Variants in SORCS2 observed in about 807,000 individuals in gnomAD.
SORCS2 encodes sortilin related VPS10 domain containing receptor 2, also known as VPS10 domain-containing receptor SorCS2.
SORCS2 carries 100 observed loss-of-function variants against 141.6 expected under a neutral mutation model. The ratio of observed to expected loss-of-function variants is 0.71; its 90% confidence interval spans 0.60 to 0.83. The LOEUF is 0.83. Ranked by LOEUF, SORCS2 falls within the 40% of genes least tolerant of loss-of-function variation. The pLI, the probability that SORCS2 is intolerant of heterozygous loss-of-function variation, is 0.00. For synonymous variants in SORCS2, 789 were observed against 676.9 expected (o/e 1.17, Z -2.57); for missense variants, 1,646 against 1,560.2 (o/e 1.05, Z -0.93).
At chr4:7,463,703 C>T (rs79875422) in intron 2 of SORCS2, among the ~76,000 whole-genome samples, 5,267 of 152,234 alleles carry the variant, frequency 0.035, 278 homozygotes, top group African/African-American at 0.12. Context: ...GAAAGTTGGG[C>T]GGGCTTGGGG....
intron 26 of SORCS2, 60 bp downstream of exon 26, chr4:7,737,232 C>T: frequency 5.8e-6 from 9 of 1,539,794 alleles, no homozygotes; most frequent in Non-Finnish European, 7.9e-6. Flanking sequence ...CCGCCCCAAA[C>T]CCACCCCGCC....
chr4:7,299,436 C>G, intron 1 of SORCS2, among the ~76,000 whole-genome samples: 1 of 152,208 alleles, frequency 6.6e-6, no homozygotes, highest in South Asian at 2.1e-4. Flanking sequence ...CGCATGGCCT[C>G]GGATACATCT....
At chr4:7,701,695 T>C (rs1424015220) in intron 12 of SORCS2, among the ~76,000 whole-genome samples, 1 of 152,140 alleles carries the variant, frequency 6.6e-6, no homozygotes, top group Non-Finnish European at 1.5e-5. Flanking sequence ...CTGCTGGGGT[T>C]CATGTTCTTG....
chr4:7,678,375 G>A (rs1056491320), intron 9 of SORCS2, among the ~76,000 whole-genome samples: 1 of 138,394 alleles, frequency 7.2e-6, no homozygotes, highest in Non-Finnish European at 1.6e-5. Flanking sequence ...CCAAGGGATG[G>A]CCCTTCTCTG....
intron 17 of SORCS2, among the ~76,000 whole-genome samples, chr4:7,717,563 T>G (rs751440506): frequency 5.3e-5 from 8 of 151,902 alleles, no homozygotes; most frequent in Non-Finnish European, 1.0e-4. Context: ...GGAGGAGGGG[T>G]GTGTGTGCCC....
rs879629313 is a variant in SORCS2, at chr4:7,229,990, G to C, written c.480+36864G>C. On this transcript the variant is annotated intron_variant, in intron 1 of 26. Coordinates refer to ENST00000507866, the MANE Select transcript of SORCS2 (RefSeq NM_020777.3). ...AGGAGATGAAGATGGTCAAGTCTTCGAGTCTCTGGGCAGGAGCAGTGTCAT... is the reference window on the plus strand; with the variant it reads ...AGGAGATGAAGATGGTCAAGTCTTCCAGTCTCTGGGCAGGAGCAGTGTCAT... 1.2e-4 allele frequency among the ~76,000 whole-genome samples: 15 copies of C among 127,458 alleles called. 1 individual carries two copies. The highest frequency in any genetic ancestry group is 4.2e-4 in the African/African-American group (14 of 33,638). The allele number at this position is 127,458 out of a possible 152,430, so 83.6% of individuals were successfully genotyped here.
At chr4:7,265,647 T>C (rs926068177) in intron 1 of SORCS2, among the ~76,000 whole-genome samples, 112 of 152,328 alleles carry the variant, frequency 7.4e-4, no homozygotes, top group African/African-American at 2.5e-3. Flanking sequence ...CCTCCTCCCC[T>C]GTCTTCTTGT....
intron 3 of SORCS2, among the ~76,000 whole-genome samples, chr4:7,557,031 C>A (rs1466586588): frequency 3.3e-5 from 5 of 151,968 alleles, no homozygotes; most frequent in African/African-American, 1.2e-4. Context: ...ACTCATCCAT[C>A]CATCCCTTTA....
chr4:7,276,823 TCACGC>T (rs1448357124), intron 1 of SORCS2, among the ~76,000 whole-genome samples: 3 of 152,156 alleles, frequency 2.0e-5, no homozygotes, highest in Non-Finnish European at 2.9e-5. Context: ...CTTCCATTCA[TCACGC>T]GGCAGACCCT....
chr4:7,457,478 A>G (rs1728988756), intron 2 of SORCS2, among the ~76,000 whole-genome samples: 1 of 151,562 alleles, frequency 6.6e-6, no homozygotes, highest in Non-Finnish European at 1.5e-5. Flanking sequence ...CCCAGTGAAC[A>G]CTGCAAGCTG....
intron 2 of SORCS2, among the ~76,000 whole-genome samples, chr4:7,405,760 C>G (rs1023142764): frequency 6.6e-6 from 1 of 152,028 alleles, no homozygotes; most frequent in African/African-American, 2.4e-5. Context: ...GTTTTTCCAG[C>G]TATAAGATCA....
Position 7,670,610 on chromosome 4 carries a change from C to G in SORCS2, c.1161+3397C>G, listed in dbSNP as rs73076408. On this transcript the variant is annotated intron_variant, in intron 8 of 26. Transcript: ENST00000507866. Reference sequence around the variant, plus strand: ...CTAGAAGGCAACGACACGGGCAGAACCCATCCAGTGTAACTGCTTTGGAAT... The same window carrying G: ...CTAGAAGGCAACGACACGGGCAGAAGCCATCCAGTGTAACTGCTTTGGAAT... Among the ~76,000 whole-genome samples, 1,248 of 152,310 alleles carry G rather than the reference C, an allele frequency of 8.2e-3. 14 individuals are homozygous for G. Among genetic ancestry groups the G allele is most frequent in the African/African-American group, 0.029 (1,199 of 41,568 alleles).
intron 1 of SORCS2, among the ~76,000 whole-genome samples, chr4:7,340,249 C>A (rs113292840): frequency 6.9e-4 from 105 of 152,388 alleles, no homozygotes; most frequent in African/African-American, 2.2e-3. Flanking sequence ...CCTCACACTC[C>A]GCTGACCATG....
chr4:7,653,980 T>A (rs535839949), intron 4 of SORCS2, among the ~76,000 whole-genome samples, 154 bp from the exon 5 acceptor site: 1 of 152,338 alleles, frequency 6.6e-6, no homozygotes, highest in Non-Finnish European at 1.5e-5. Flanking sequence ...GGGTTTGGTC[T>A]GCATCCCAGC....
In SORCS2 at chr4:7,581,928, A is replaced by G. The variant is rs181561243; in HGVS notation, c.648+50299A>G. ...ATATATCTCCTTCTTGTCTTTTTCT[A>G]TATATCTTTATTTCATAGTCGAGAC... On this transcript the variant is annotated intron_variant, in intron 3 of 26. Coordinates refer to ENST00000507866, the MANE Select transcript of SORCS2 (RefSeq NM_020777.3). Among the ~76,000 whole-genome samples the G allele has an allele frequency of 1.7e-3, 261 of 152,292 alleles. 2 individuals are homozygous for G. The highest frequency in any genetic ancestry group is 5.9e-3 in the African/African-American group (246 of 41,562).
At chr4:7,639,603 G>A (rs1466859652) in intron 4 of SORCS2, among the ~76,000 whole-genome samples, 1 of 151,272 alleles carries the variant, frequency 6.6e-6, no homozygotes, top group African/African-American at 2.4e-5. Flanking sequence ...GTGGGTGTGA[G>A]TGTATATGTG....
intron 1 of SORCS2, among the ~76,000 whole-genome samples, chr4:7,385,788 G>A (rs970085938): frequency 1.3e-5 from 2 of 152,234 alleles, no homozygotes; most frequent in African/African-American, 4.8e-5. Context: ...TGAAGGGGCA[G>A]GGCACTGCCA....
chr4:7,534,863 G>A (rs1711980620), intron 3 of SORCS2, among the ~76,000 whole-genome samples: 1 of 152,250 alleles, frequency 6.6e-6, no homozygotes, highest in Admixed American at 6.5e-5. Flanking sequence ...CGGAGTGCAT[G>A]GTGATTTGTT....
intron 2 of SORCS2, among the ~76,000 whole-genome samples, chr4:7,427,278 T>C (rs904378327): frequency 6.6e-6 from 1 of 152,108 alleles, no homozygotes; most frequent in Non-Finnish European, 1.5e-5. Context: ...TCACTGAACA[T>C]GGCTGTTTTT....
Sources: allele counts gnomAD v4.1 joint callset (sites outside exome capture counted in the v4.1 genomes callset), GRCh38; gene constraint gnomAD v4.1.1; transcripts MANE v1.5; gene names NCBI Gene and HGNC (gene_info 2026-07-23, HGNC 2026-07-21).